CACNA1D: variants seen among roughly 807,000 people sequenced by gnomAD.
CACNA1D encodes calcium voltage-gated channel subunit alpha1 D.
CACNA1D carries 55 observed loss-of-function variants against 257.1 expected under a neutral mutation model. The ratio of observed to expected loss-of-function variants is 0.21; its 90% confidence interval spans 0.17 to 0.27. CACNA1D has a LOEUF of 0.27. CACNA1D is among the 10% of genes least tolerant of loss of function. The pLI, the probability that CACNA1D is intolerant of heterozygous loss-of-function variation, is 1.00. For missense variants in CACNA1D, 1,876 were observed against 2,784.0 expected (o/e 0.67, Z 7.34); for synonymous variants, 980 against 1,014.9 (o/e 0.97, Z 0.65).
intron 10 of CACNA1D, chr3:53,718,601 C>CCCCCCCCCTG: frequency 9.1e-7 from 1 of 1,103,202 alleles, no homozygotes; most frequent in Non-Finnish European, 1.3e-6. Context: ...CCCCCCGGCC[C>CCCCCCCCCTG]AGCATTTCAC....
chr3:53,520,412 A>G (rs2091506612), intron 3 of CACNA1D, among the ~76,000 whole-genome samples: 1 of 152,128 alleles, frequency 6.6e-6, no homozygotes, highest in South Asian at 2.1e-4. Context: ...GCATCTTTTC[A>G]TGTGCTTATT....
intron 15 of CACNA1D, among the ~76,000 whole-genome samples, chr3:53,729,587 A>C (rs570649909): frequency 6.3e-4 from 96 of 152,378 alleles, no homozygotes; most frequent in Non-Finnish European, 1.1e-3. Context: ...CTTCTGATTT[A>C]GGAGTCTTGT....
intron 3 of CACNA1D, among the ~76,000 whole-genome samples, chr3:53,614,759 C>G (rs544188790): frequency 6.6e-6 from 1 of 152,286 alleles, no homozygotes; most frequent in Non-Finnish European, 1.5e-5. Flanking sequence ...TGTGTCATAA[C>G]AACTGTCTCT....
intron 9 of CACNA1D, among the ~76,000 whole-genome samples, chr3:53,709,858 A>G (rs921507307): frequency 6.6e-6 from 1 of 152,236 alleles, no homozygotes; most frequent in African/African-American, 2.4e-5. Flanking sequence ...TACGCAGTAC[A>G]GGTCCAATTA....
chr3:53,776,068 C>A, intron 35 of CACNA1D, 23 bp downstream of exon 35: 1 of 1,607,514 alleles, frequency 6.2e-7, no homozygotes, highest in South Asian at 1.1e-5. Context: ...CACAGCTCCC[C>A]CTCTCAATTT....
Position 53,762,056 on chromosome 3 carries a change from T to C in CACNA1D, c.3845T>C (p.Ile1282Thr). The change falls in exon 30 of 48, where the codon ATA becomes ACA. Residue 1282 changes from isoleucine to threonine, a missense_variant. This residue lies in a region of CACNA1D where 204 missense variants were observed against 309.4 expected (regional missense o/e 0.66). Coordinates refer to ENST00000350061, the MANE Select transcript of CACNA1D (RefSeq NM_001128840.3). ...TCCCTCATCGTAATCGGCAGCATTATAGACGTGGCCCTCAGCGAAGCAGAC... is the reference window on the plus strand; with the variant it reads ...TCCCTCATCGTAATCGGCAGCATTACAGACGTGGCCCTCAGCGAAGCAGAC... ...FDSLIVIGSI[I>T]DVALSEADPT... The C allele has an allele frequency of 1.9e-6, 3 of 1,613,546 alleles. No individual in the cohort carries two copies. The highest frequency in any genetic ancestry group is 1.7e-6 in the Non-Finnish European group (2 of 1,179,408).
intron 8 of CACNA1D, among the ~76,000 whole-genome samples, chr3:53,699,545 A>C (rs2094601373): frequency 6.6e-6 from 1 of 152,238 alleles, no homozygotes; most frequent in South Asian, 2.1e-4. Context: ...TCTTCAGACG[A>C]AGAGCCCAGA....
chr3:53,567,528 T>C (rs1049820254), intron 3 of CACNA1D, among the ~76,000 whole-genome samples: 1 of 152,210 alleles, frequency 6.6e-6, no homozygotes, highest in African/African-American at 2.4e-5. Flanking sequence ...CCTTTCAAAA[T>C]AGAGCTGTAT....
chr3:53,652,284 G>T (rs1383039484), intron 4 of CACNA1D, among the ~76,000 whole-genome samples: 1 of 152,082 alleles, frequency 6.6e-6, no homozygotes, highest in African/African-American at 2.4e-5. Flanking sequence ...TCATATTTCT[G>T]CCTGGAGACA....
intron 3 of CACNA1D, among the ~76,000 whole-genome samples, chr3:53,503,318 T>G (rs148590288): frequency 6.6e-6 from 1 of 152,330 alleles, no homozygotes; most frequent in Admixed American, 6.5e-5. Context: ...AGCTTTTGAT[T>G]TCTTTGTAGA....
intron 3 of CACNA1D, among the ~76,000 whole-genome samples, chr3:53,510,592 C>T (rs569452350): frequency 6.8e-4 from 103 of 152,262 alleles, no homozygotes; most frequent in African/African-American, 2.2e-3. Context: ...GTAAACTCTC[C>T]GGGTTGGAGG....
At position 53,650,451 on chromosome 3, in the gene CACNA1D, G is replaced by A. The variant is rs4687583; in HGVS notation, c.484-328G>A. ...CAACCTCAGGAGGAAAGCATGCTGC[G>A]TTTTGCAAATGTGTGCAAATAACAA... On this transcript the variant is annotated intron_variant, in intron 3 of 47. Coordinates refer to ENST00000350061, the MANE Select transcript of CACNA1D (RefSeq NM_001128840.3). Among the ~76,000 whole-genome samples, 691 of 152,328 alleles carry A rather than the reference G, an allele frequency of 4.5e-3. 23 individuals are homozygous for A. The highest frequency in any genetic ancestry group is 0.042 in the Admixed American group (649 of 15,300).
At chr3:53,660,097 A>G in intron 4 of CACNA1D, 36 bp from the exon 5 acceptor site, 1 of 1,601,392 alleles carries the variant, frequency 6.2e-7, no homozygotes, top group East Asian at 2.2e-5. Flanking sequence ...CTGGGGTAAC[A>G]GACTCTAACA....
intron 3 of CACNA1D, among the ~76,000 whole-genome samples, chr3:53,576,739 G>A (rs959001207): frequency 6.6e-6 from 1 of 152,228 alleles, no homozygotes; most frequent in Non-Finnish European, 1.5e-5. Context: ...CTGGTGGAAC[G>A]TGGCGGGCAG....
intron 8 of CACNA1D, among the ~76,000 whole-genome samples, chr3:53,684,397 A>C (rs1482759057): frequency 6.6e-6 from 1 of 152,138 alleles, no homozygotes; most frequent in Non-Finnish European, 1.5e-5. Context: ...TGAGGCAGGC[A>C]GATCACCTGA....
intron 3 of CACNA1D, among the ~76,000 whole-genome samples, chr3:53,581,718 T>TC (rs1455169251): frequency 6.6e-6 from 1 of 152,136 alleles, no homozygotes; most frequent in Admixed American, 6.5e-5. Flanking sequence ...AGGCCCAGGG[T>TC]CCTAGGGCTG....
chr3:53,670,333 A>G (rs2094310489), intron 7 of CACNA1D, among the ~76,000 whole-genome samples: 1 of 152,078 alleles, frequency 6.6e-6, no homozygotes. Flanking sequence ...ATGCATTTCA[A>G]CCTTTTATTT....
intron 3 of CACNA1D, among the ~76,000 whole-genome samples, chr3:53,520,966 TCTCC>T: frequency 6.6e-6 from 1 of 151,210 alleles, no homozygotes; most frequent in Non-Finnish European, 1.5e-5. Flanking sequence ...TCCTTTCCTC[TCTCC>T]CTTTCTCTTT....
At chr3:53,568,554 A>G (rs1329506111) in intron 3 of CACNA1D, among the ~76,000 whole-genome samples, 2 of 152,160 alleles carry the variant, frequency 1.3e-5, no homozygotes, top group African/African-American at 4.8e-5. Context: ...GGGTGACCAT[A>G]CACACTCCTT....
Sources: allele counts gnomAD v4.1 joint callset (sites outside exome capture counted in the v4.1 genomes callset), GRCh38; gene constraint gnomAD v4.1.1; regional missense constraint gnomAD v4.1.1; transcripts MANE v1.5; gene names NCBI Gene and HGNC (gene_info 2026-07-23, HGNC 2026-07-21).